The following GLDC variants were observed in gnomAD, a reference collection of about 807,000 sequenced individuals.
The protein encoded by GLDC is glycine decarboxylase, also known as glycine dehydrogenase (decarboxylating), mitochondrial.
In GLDC, 104 loss-of-function variants were observed where a neutral mutation model predicts 121.3. That is an observed-to-expected ratio of 0.86 (90% CI 0.73 to 1.01). The LOEUF (loss-of-function observed/expected upper bound fraction) is 1.01. Ranked by LOEUF, GLDC falls within the 50% of genes least tolerant of loss-of-function variation. GLDC has a pLI of 0.00. For missense variants in GLDC, 1,429 were observed against 1,306.6 expected (o/e 1.09, Z -1.44); for synonymous variants, 546 against 480.6 (o/e 1.14, Z -1.78).
intron 20 of GLDC, among the ~76,000 whole-genome samples, chr9:6,551,596 G>A (rs529135481): frequency 3.3e-5 from 5 of 152,256 alleles, no homozygotes; most frequent in Admixed American, 6.5e-5. Flanking sequence ...TAGTACTTTG[G>A]TATCATTAAG....
intron 15 of GLDC, 200 bp from the exon 16 acceptor site, chr9:6,565,629 A>T (rs1447423191): frequency 1.5e-6 from 1 of 659,690 alleles, no homozygotes. Context: ...AACAGCATCC[A>T]GTTTGTGCAC....
chr9:6,644,041 A>AAAAAAAAAAC, intron 2 of GLDC, among the ~76,000 whole-genome samples: 1 of 148,480 alleles, frequency 6.7e-6, no homozygotes, highest in Non-Finnish European at 1.5e-5. Context: ...AAAAAAAAAA[A>AAAAAAAAAAC]AAAAAAAAAC....
chr9:6,607,601 T>C (rs1353038337), intron 4 of GLDC, among the ~76,000 whole-genome samples: 2 of 151,742 alleles, frequency 1.3e-5, no homozygotes, highest in African/African-American at 2.4e-5. Context: ...AATACATACA[T>C]ACATAAATTA....
At chr9:6,545,997 T>C (rs1233996643) in intron 21 of GLDC, among the ~76,000 whole-genome samples, 21 of 152,220 alleles carry the variant, frequency 1.4e-4, no homozygotes, top group Admixed American at 1.4e-3. Flanking sequence ...GACTCTTTTG[T>C]AATAACACTT....
intron 2 of GLDC, among the ~76,000 whole-genome samples, chr9:6,629,957 A>ATATTTTT: frequency 2.4e-5 from 2 of 83,096 alleles, no homozygotes; most frequent in African/African-American, 6.9e-5. Context: ...ATATATATAT[A>ATATTTTT]TTTTTTTTTT....
intron 12 of GLDC, 87 bp downstream of exon 12, chr9:6,589,108 G>A (rs1818325535): frequency 2.4e-6 from 2 of 848,286 alleles, no homozygotes; most frequent in Non-Finnish European, 2.1e-6. Flanking sequence ...CCAGGCCACA[G>A]CAGGCGAAAT....
At chr9:6,608,515 C>G (rs1057269373) in intron 4 of GLDC, among the ~76,000 whole-genome samples, 9 of 149,884 alleles carry the variant, frequency 6.0e-5, no homozygotes, top group Middle Eastern at 3.6e-3. Context: ...CCGAGGCGGG[C>G]GGATCATGAG....
At chr9:6,572,251 T>A in intron 15 of GLDC, among the ~76,000 whole-genome samples, 1 of 152,194 alleles carries the variant, frequency 6.6e-6, no homozygotes, top group Non-Finnish European at 1.5e-5. Flanking sequence ...CGGGAGAAAG[T>A]ATCTGCAAAC....
chr9:6,553,710 A>G (rs1170258921), intron 19 of GLDC, among the ~76,000 whole-genome samples: 1 of 152,082 alleles, frequency 6.6e-6, no homozygotes, highest in Non-Finnish European at 1.5e-5. Context: ...ACCAGCCATC[A>G]GTGTCCCAGG....
intron 13 of GLDC, 75 bp downstream of exon 13, chr9:6,588,543 G>C (rs1818314483): frequency 3.5e-6 from 5 of 1,447,120 alleles, no homozygotes; most frequent in Non-Finnish European, 4.9e-6. Context: ...GTTGCTCTTG[G>C]AGCATATTAG....
intron 7 of GLDC, among the ~76,000 whole-genome samples, chr9:6,603,727 C>T (rs7873572): frequency 7.7e-5 from 11 of 143,118 alleles, no homozygotes; most frequent in African/African-American, 2.5e-4. Context: ...CTTTTTTTTC[C>T]TTTTTTTTCT....
chr9:6,546,294 G>C (rs1385169765), intron 21 of GLDC, among the ~76,000 whole-genome samples: 1 of 151,370 alleles, frequency 6.6e-6, no homozygotes, highest in African/African-American at 2.4e-5. Context: ...CCAGGCTCAA[G>C]CAATCCTCCT....
chr9:6,614,080 C>G (rs1444366999), intron 3 of GLDC, among the ~76,000 whole-genome samples: 1 of 152,010 alleles, frequency 6.6e-6, no homozygotes, highest in African/African-American at 2.4e-5. Context: ...AATTATCACG[C>G]CCACCCTGAT....
intron 2 of GLDC, among the ~76,000 whole-genome samples, chr9:6,631,242 C>T (rs1819371321): frequency 6.6e-6 from 1 of 152,212 alleles, no homozygotes; most frequent in East Asian, 1.9e-4. Flanking sequence ...GGTTACCGCT[C>T]TCCTCAGGAC....
chr9:6,537,932 C>A (rs944701585), intron 22 of GLDC, among the ~76,000 whole-genome samples: 3 of 152,196 alleles, frequency 2.0e-5, no homozygotes, highest in Admixed American at 6.5e-5. Flanking sequence ...TTTCAAAGTA[C>A]ACTGCAGTCA....
chr9:6,555,122 A>G (rs1817595469), intron 18 of GLDC, among the ~76,000 whole-genome samples: 1 of 152,246 alleles, frequency 6.6e-6, no homozygotes, highest in South Asian at 2.1e-4. Context: ...CAGAACCTCC[A>G]TGTTGTTGAA....
intron 16 of GLDC, among the ~76,000 whole-genome samples, chr9:6,562,274 C>G (rs1452834308): frequency 6.6e-6 from 1 of 152,108 alleles, no homozygotes; most frequent in East Asian, 1.9e-4. Flanking sequence ...TTTTAGGAAC[C>G]TCTGAAATTT....
At chr9:6,565,695 C>A in intron 15 of GLDC, 1 of 593,304 alleles carries the variant, frequency 1.7e-6, no homozygotes, top group South Asian at 2.1e-5. Flanking sequence ...TGCTCAGGAC[C>A]ACGCATTGAA....
intron 3 of GLDC, among the ~76,000 whole-genome samples, chr9:6,610,682 C>G (rs1818833909): frequency 6.6e-6 from 1 of 152,126 alleles, no homozygotes; most frequent in African/African-American, 2.4e-5. Context: ...CTCACTGAGC[C>G]TCAATGTACA....
Sources: gnomAD v4.1 joint callset for allele counts (sites outside exome capture counted in the v4.1 genomes callset) on GRCh38, gnomAD v4.1.1 for gene constraint, MANE v1.5 for transcripts, NCBI Gene and HGNC (gene_info 2026-07-23, HGNC 2026-07-21) for gene names.